Variants in DCP1A observed in about 807,000 individuals in gnomAD.
DCP1A encodes mRNA-decapping enzyme 1A.
Under a neutral mutation model 58.0 loss-of-function variants are expected in DCP1A, and 20 were observed. The ratio of observed to expected loss-of-function variants is 0.34; its 90% CI spans 0.24 to 0.50. DCP1A has a LOEUF of 0.50. Among genes scored for constraint, DCP1A ranks in the 20% least tolerant of loss-of-function variants. The pLI, the probability that DCP1A is intolerant of heterozygous loss-of-function variation, is 0.98. For synonymous variants in DCP1A, 285 were observed against 275.1 expected (o/e 1.04, Z -0.36); for missense variants, 613 against 712.2 (o/e 0.86, Z 1.59).
At chr3:53,347,085 G>A (rs2089300574) in intron 1 of DCP1A, among the ~76,000 whole-genome samples, 1 of 152,186 alleles carries the variant, frequency 6.6e-6, no homozygotes, top group South Asian at 2.1e-4. Flanking sequence ...CAATGTATCT[G>A]CAAAGAAGGC....
intron 7 of DCP1A, among the ~76,000 whole-genome samples, chr3:53,291,554 T>C (rs1706876196): frequency 2.6e-5 from 4 of 152,222 alleles, no homozygotes; most frequent in Admixed American, 2.6e-4. Flanking sequence ...TAAGAACATG[T>C]GATATCTGTC....
intron 4 of DCP1A, among the ~76,000 whole-genome samples, chr3:53,315,743 TGTTTTTTTTTTTTG>T (rs1707785266): frequency 1.1e-4 from 10 of 93,318 alleles, no homozygotes; most frequent in African/African-American, 3.7e-4. Context: ...ATCAGTTTGT[TGTTTTTTTTTTTTG>T]TTTTTTTTTT....
chr3:53,312,801 T>C (rs1707690610), intron 4 of DCP1A, among the ~76,000 whole-genome samples: 1 of 152,184 alleles, frequency 6.6e-6, no homozygotes, highest in African/African-American at 2.4e-5. Context: ...GATTACATTA[T>C]TCTTGCAATA....
intron 4 of DCP1A, 113 bp from the exon 5 acceptor site, chr3:53,312,492 C>CTTA: frequency 1.4e-5 from 9 of 640,132 alleles, no homozygotes; most frequent in Non-Finnish European, 2.1e-5. Flanking sequence ...TGATGACATT[C>CTTA]TTCTTTTTTT....
rs377341618 is a variant in DCP1A, at chr3:53,344,954, A to G, written c.136-12T>C. The G allele has an allele frequency of 2.1e-5, 33 of 1,598,734 alleles. No homozygotes were observed. In the African/African-American group the frequency reaches 4.0e-4, roughly 20 times the overall value. ...ATATCAGTCTTCTCCTATGAAAGAC[A>G]ATGACTCAATTAGTTTTTTTTCCCC... On this transcript the variant is annotated splice_polypyrimidine_tract_variant and intron_variant, in intron 1 of 9. Transcript: ENST00000610213.
rs187492753 is a variant in DCP1A, at chr3:53,297,859, G to A, written c.625-5032C>T. Reference sequence around the variant, plus strand: ...AGAAACCTCATCACAAAATACACCTGAGGCATAATCCAGACAGCAATTTTT... The same window carrying A: ...AGAAACCTCATCACAAAATACACCTAAGGCATAATCCAGACAGCAATTTTT... On this transcript the variant is annotated intron_variant, in intron 6 of 9. Transcript: ENST00000610213. Among the ~76,000 whole-genome samples, 172 of 152,294 alleles carry A rather than the reference G, an allele frequency of 1.1e-3. 2 individuals are homozygous for A. Among genetic ancestry groups the A allele is most frequent in the African/African-American group, 4.0e-3 (166 of 41,558 alleles).
At chr3:53,338,311 G>A (rs1289352253) in intron 3 of DCP1A, among the ~76,000 whole-genome samples, 5 of 152,140 alleles carry the variant, frequency 3.3e-5, no homozygotes, top group South Asian at 4.1e-4. Flanking sequence ...GATTCAAGAG[G>A]CTGGACATGG....
chr3:53,321,227 C>T (rs933661447), intron 3 of DCP1A, among the ~76,000 whole-genome samples: 11 of 152,242 alleles, frequency 7.2e-5, no homozygotes, highest in Non-Finnish European at 1.5e-4. Flanking sequence ...CTCTTTCTAT[C>T]TTTCAGAGTT....
At chr3:53,323,352 T>C (rs1553690220) in intron 3 of DCP1A, among the ~76,000 whole-genome samples, 2 of 152,224 alleles carry the variant, frequency 1.3e-5, no homozygotes, top group African/African-American at 4.8e-5. Flanking sequence ...TTAGTTACGC[T>C]CTTAGCGGCT....
intron 6 of DCP1A, among the ~76,000 whole-genome samples, chr3:53,297,269 T>C (rs528160544): frequency 3.9e-5 from 6 of 152,324 alleles, no homozygotes; most frequent in African/African-American, 1.4e-4. Context: ...TTGAATTGGG[T>C]TAATTCCTTT....
chr3:53,343,697 C>T (rs1024223002), intron 2 of DCP1A, among the ~76,000 whole-genome samples: 11 of 152,150 alleles, frequency 7.2e-5, no homozygotes, highest in Non-Finnish European at 1.6e-4. Flanking sequence ...CTGCAAGCTC[C>T]GCCTCCTGGG....
At chr3:53,327,043 T>G (rs1553690660) in intron 3 of DCP1A, among the ~76,000 whole-genome samples, 1 of 150,132 alleles carries the variant, frequency 6.7e-6, no homozygotes, top group Non-Finnish European at 1.5e-5. Flanking sequence ...TTATGTATCA[T>G]AAGGGAGAGA....
rs797040721 is a variant in DCP1A at position 53,315,744 on chromosome 3, G to GTTTTTTTTTTTTTT, written c.372-3366_372-3365insAAAAAAAAAAAAAA. On this transcript the variant is annotated intron_variant, in intron 4 of 9. Coordinates refer to ENST00000610213, the MANE Select transcript of DCP1A (RefSeq NM_018403.7). ...ATTGTTTGGAGTAAATCAGTTTGTT[G>GTTTTTTTTTTTTTT]TTTTTTTTTTTTGTTTTTTTTTTTT... Among the ~76,000 whole-genome samples, 3 of 95,416 alleles carry GTTTTTTTTTTTTTT rather than the reference G, an allele frequency of 3.1e-5. 1 individual carries two copies. Among genetic ancestry groups the GTTTTTTTTTTTTTT allele is most frequent in the African/African-American group, 4.2e-5 (1 of 23,768 alleles). The allele number at this position is 95,416 out of a possible 152,430, so 62.6% of individuals were successfully genotyped here. A position where few individuals can be genotyped will look rare whatever the true frequency, so the allele number is the denominator to read the frequency against.
At chr3:53,340,792 C>T (rs2089190650) in intron 3 of DCP1A, among the ~76,000 whole-genome samples, 1 of 152,122 alleles carries the variant, frequency 6.6e-6, no homozygotes, top group South Asian at 2.1e-4. Flanking sequence ...TTTTTTAGTA[C>T]TGTAGTTTCT....
At chr3:53,298,810 G>A (rs1170656273) in intron 6 of DCP1A, among the ~76,000 whole-genome samples, 4 of 152,186 alleles carry the variant, frequency 2.6e-5, no homozygotes, top group Admixed American at 1.3e-4. Context: ...CCATGTTTTG[G>A]TCAATGATGG....
rs781925205 is a variant in DCP1A at position 53,312,381 on chromosome 3, T to C, written c.372-2A>G. 6.3e-7 allele frequency: 1 copy of C among 1,581,550 alleles called. No homozygotes were observed. The highest frequency in any genetic ancestry group is 1.7e-4 in the Middle Eastern group (1 of 5,928). ...CGCCGTGTCTCCTCTTCTACCACAC[T>C]AGAGGAGAAGAACAAGGTTTTAGAA... On this transcript the variant is annotated splice_acceptor_variant, in intron 4 of 9. Transcript: ENST00000610213. LOFTEE classifies it high-confidence loss of function.
At chr3:53,342,480 G>A (rs1553692647) in intron 2 of DCP1A, among the ~76,000 whole-genome samples, 1 of 152,108 alleles carries the variant, frequency 6.6e-6, no homozygotes, top group East Asian at 1.9e-4. Context: ...TCAGAGTAAA[G>A]GCCAAAGTCC....
intron 5 of DCP1A, 83 bp from the exon 6 acceptor site, chr3:53,304,373 C>G: frequency 1.1e-6 from 1 of 906,214 alleles, no homozygotes; most frequent in Admixed American, 2.5e-5. Context: ...CTGAGGTTAT[C>G]AAAAATGTTA....
chr3:53,322,969 C>T (rs377223678), intron 3 of DCP1A, among the ~76,000 whole-genome samples: 161 of 152,018 alleles, frequency 1.1e-3, no homozygotes, highest in African/African-American at 3.6e-3. Flanking sequence ...GGATTACAGG[C>T]GCCCGTCACC....
Sources: gnomAD v4.1 joint callset for allele counts (sites outside exome capture counted in the v4.1 genomes callset) on GRCh38, gnomAD v4.1.1 for gene constraint, MANE v1.5 for transcripts, NCBI Gene and HGNC (gene_info 2026-07-23, HGNC 2026-07-21) for gene names.